TENM2: variants seen among roughly 807,000 people sequenced by gnomAD.
TENM2 encodes the protein teneurin transmembrane protein 2.
In TENM2, 52 loss-of-function variants were observed where a neutral mutation model predicts 245.2. That is an observed-to-expected ratio of 0.21 (90% CI 0.17 to 0.27). TENM2 has a LOEUF of 0.27. Ranked by LOEUF, TENM2 falls within the 10% of genes least tolerant of loss-of-function variation. TENM2 has a pLI of 1.00. For missense variants in TENM2, 3,046 were observed against 3,666.8 expected, an observed-to-expected ratio of 0.83 and a Z score of 4.37; for synonymous variants, 1,363 against 1,438.9, an observed-to-expected ratio of 0.95 and a Z score of 1.19.
intron 3 of TENM2, among the ~76,000 whole-genome samples, chr5:167,881,136 G>C (rs1773844551): frequency 6.6e-6 from 1 of 152,128 alleles, no homozygotes. Context: ...TTAGGTTTTA[G>C]AAAGAAATTT....
chr5:167,987,055 A>G (rs1783302565), intron 4 of TENM2, among the ~76,000 whole-genome samples: 1 of 152,216 alleles, frequency 6.6e-6, no homozygotes. Flanking sequence ...CCTGGTTTCA[A>G]CGATTGCTAT....
intron 12 of TENM2, chr5:168,149,508 T>TG (rs35438448): frequency 0.58 from 263,272 of 456,140 alleles, 77,938 homozygotes; most frequent in African/African-American, 0.81. Flanking sequence ...CCGAGGCATG[T>TG]TAGGAAAACA....
chr5:166,983,716 C>G, the TENM2 span, among the ~76,000 whole-genome samples: 1 of 152,004 alleles, frequency 6.6e-6, no homozygotes, highest in South Asian at 2.1e-4. Context: ...CCACCTCTGT[C>G]TTGGGAAATA....
At chr5:167,643,857 A>G (rs544188333) in intron 2 of TENM2, among the ~76,000 whole-genome samples, 3 of 152,360 alleles carry the variant, frequency 2.0e-5, no homozygotes, top group South Asian at 2.1e-4. Flanking sequence ...AAGTAATGCA[A>G]TTGAGTTAAA....
intron 23 of TENM2, among the ~76,000 whole-genome samples, chr5:168,224,811 T>C (rs1764007136): frequency 1.3e-5 from 2 of 152,012 alleles, no homozygotes; most frequent in Admixed American, 6.6e-5. Flanking sequence ...CCCTTCCTCC[T>C]CCAGTAACAA....
At chr5:168,071,095 T>G (rs1268832851) in intron 7 of TENM2, among the ~76,000 whole-genome samples, 1 of 152,112 alleles carries the variant, frequency 6.6e-6, no homozygotes, top group Non-Finnish European at 1.5e-5. Context: ...GACTCTGAAC[T>G]CCAGCCTCCA....
intron 5 of TENM2, among the ~76,000 whole-genome samples, chr5:168,036,524 T>A (rs1169468528): frequency 6.6e-6 from 1 of 151,448 alleles, no homozygotes; most frequent in Non-Finnish European, 1.5e-5. Flanking sequence ...TAATCCCAGC[T>A]ACTTGGGAGG....
the TENM2 span, among the ~76,000 whole-genome samples, chr5:167,180,927 G>A: frequency 6.6e-6 from 1 of 150,620 alleles, no homozygotes; most frequent in African/African-American, 2.5e-5. Flanking sequence ...AGGCAGGCAC[G>A]CTGGCTGTAG....
At chr5:167,159,854 T>C in the TENM2 span, among the ~76,000 whole-genome samples, 1 of 152,194 alleles carries the variant, frequency 6.6e-6, no homozygotes, top group South Asian at 2.1e-4. Context: ...CCACTTGTCA[T>C]TGGAGATGAC....
At chr5:167,053,912 G>A in the TENM2 span, among the ~76,000 whole-genome samples, 1 of 152,022 alleles carries the variant, frequency 6.6e-6, no homozygotes, top group East Asian at 1.9e-4. Context: ...GGAGTTTTAA[G>A]TTCATAGCAA....
chr5:166,996,411 A>G, the TENM2 span, among the ~76,000 whole-genome samples: 2 of 152,216 alleles, frequency 1.3e-5, no homozygotes, highest in Non-Finnish European at 2.9e-5. Context: ...TGAAATTAAA[A>G]TGCCTGCATC....
intron 27 of TENM2, among the ~76,000 whole-genome samples, chr5:168,258,682 A>G (rs561145672): frequency 4.6e-5 from 7 of 152,276 alleles, no homozygotes; most frequent in African/African-American, 1.7e-4. Flanking sequence ...AATGTCCAAA[A>G]CAGGTAAACC....
intron 2 of TENM2, among the ~76,000 whole-genome samples, chr5:167,768,722 A>G (rs1438796013): frequency 6.6e-6 from 1 of 152,208 alleles, no homozygotes; most frequent in African/African-American, 2.4e-5. Flanking sequence ...CTCTTCTATA[A>G]AATGGGAACA....
At chr5:166,997,707 G>C in the TENM2 span, among the ~76,000 whole-genome samples, 2 of 152,194 alleles carry the variant, frequency 1.3e-5, no homozygotes, top group Admixed American at 6.5e-5. Flanking sequence ...TCCATTCACT[G>C]TGTCTGAGAA....
At chr5:168,205,356 T>C (rs79788406) in intron 19 of TENM2, among the ~76,000 whole-genome samples, 3,259 of 151,514 alleles carry the variant, frequency 0.022, 112 homozygotes, top group African/African-American at 0.073. Flanking sequence ...GCACCTGTTG[T>C]TGTGTTTGTG....
intron 2 of TENM2, among the ~76,000 whole-genome samples, chr5:167,733,323 G>A (rs1444401408): frequency 6.6e-6 from 1 of 152,162 alleles, no homozygotes; most frequent in African/African-American, 2.4e-5. Context: ...CAGGCACTGA[G>A]GGCCTGAGTG....
At chr5:168,258,007 G>GCCTACATC (rs1257266059) in intron 27 of TENM2, among the ~76,000 whole-genome samples, 20 of 152,300 alleles carry the variant, frequency 1.3e-4, no homozygotes, top group African/African-American at 4.8e-4. Flanking sequence ...CATCCCTCGG[G>GCCTACATC]AGGTGCTGAA....
At chr5:168,094,958 T>C (rs1363446625) in intron 8 of TENM2, among the ~76,000 whole-genome samples, 1 of 151,776 alleles carries the variant, frequency 6.6e-6, no homozygotes, top group Non-Finnish European at 1.5e-5. Context: ...GGGATCTAGG[T>C]TGTATGCTCC....
At chr5:167,108,958 A>G in the TENM2 span, among the ~76,000 whole-genome samples, 1 of 152,190 alleles carries the variant, frequency 6.6e-6, no homozygotes, top group Non-Finnish European at 1.5e-5. Flanking sequence ...GGGAGTCTAC[A>G]ACAGAATTAC....
Sources: gnomAD v4.1 joint callset for allele counts (sites outside exome capture counted in the v4.1 genomes callset) on GRCh38, gnomAD v4.1.1 for gene constraint, MANE v1.5 for transcripts, NCBI Gene and HGNC (gene_info 2026-07-23, HGNC 2026-07-21) for gene names.